The following GRM1 variants were observed in gnomAD, a reference collection of about 807,000 sequenced individuals.
The protein encoded by GRM1 is metabotropic glutamate receptor 1.
In GRM1, 33 loss-of-function variants were observed where a neutral mutation model predicts 90.9. The observed-to-expected ratio is 0.36, with a 90% CI of 0.28 to 0.49. The LOEUF is 0.49. GRM1 is among the 20% of genes least tolerant of loss of function. The pLI, the probability that GRM1 is intolerant of heterozygous loss-of-function variation, is 0.99. For missense variants in GRM1, 1,190 were observed against 1,534.3 expected (o/e 0.78, Z 3.75); for synonymous variants, 700 against 613.2 (o/e 1.14, Z -2.09).
chr6:146,106,627 C>T (rs1297595344), intron 1 of GRM1, among the ~76,000 whole-genome samples: 1 of 152,176 alleles, frequency 6.6e-6, no homozygotes, highest in Non-Finnish European at 1.5e-5. Context: ...TCTCTTAAAA[C>T]AAGAAATTTG....
In GRM1 at chr6:146,423,190, C is replaced by T. The variant is rs187324759; in HGVS notation, c.2661-10682C>T. Among the ~76,000 whole-genome samples the T allele has an allele frequency of 1.4e-4, 21 of 152,304 alleles. No individual in the cohort carries two copies. The East Asian group carries it at 3.9e-3, about 28-fold the overall frequency. On this transcript the variant is annotated intron_variant, in intron 7 of 7. Transcript: ENST00000282753. ...AGCCCCCATATGCTACATTTTCCCT[C>T]CAAGCTTTTACTCTGGCTTGCTGAA...
chr6:146,052,552 C>G (rs1471428543), intron 1 of GRM1, among the ~76,000 whole-genome samples: 1 of 151,932 alleles, frequency 6.6e-6, no homozygotes, highest in Non-Finnish European at 1.5e-5. Flanking sequence ...CTAGTATCAT[C>G]TGGTATCACC....
intron 1 of GRM1, among the ~76,000 whole-genome samples, chr6:146,097,809 A>G (rs1166944658): frequency 6.6e-6 from 1 of 152,222 alleles, no homozygotes; most frequent in Non-Finnish European, 1.5e-5. Context: ...GTTTCATTCA[A>G]TGACAACCTG....
At chr6:146,409,765 C>A (rs1777491885) in intron 7 of GRM1, among the ~76,000 whole-genome samples, 1 of 152,108 alleles carries the variant, frequency 6.6e-6, no homozygotes, top group Non-Finnish European at 1.5e-5. Flanking sequence ...TTTATTTCAA[C>A]AGAGTAAGGG....
At position 146,070,242 on chromosome 6, in the gene GRM1, A is replaced by G. The variant is rs139792104; in HGVS notation, c.700+40025A>G. Among the ~76,000 whole-genome samples the G allele has an allele frequency of 5.3e-5, 8 of 152,296 alleles. No individual in the cohort carries two copies. The East Asian group carries it at 1.4e-3, about 26-fold the overall frequency. ...TCCATTTTTTTAATGTTATTTAAAA[A>G]TATCCAAGAAAGCTGTCATACAGCT... On this transcript the variant is annotated intron_variant, in intron 1 of 7. Coordinates refer to ENST00000282753, the MANE Select transcript of GRM1 (RefSeq NM_001278064.2).
intron 2 of GRM1, among the ~76,000 whole-genome samples, chr6:146,171,096 G>A (rs1188795207): frequency 6.6e-6 from 1 of 151,966 alleles, no homozygotes; most frequent in Non-Finnish European, 1.5e-5. Context: ...GACTTATCCA[G>A]AGCCACTTAC....
At chr6:146,179,449 T>C (rs2179509) in intron 2 of GRM1, among the ~76,000 whole-genome samples, 37,785 of 152,102 alleles carry the variant, frequency 0.25, 8,203 homozygotes, top group African/African-American at 0.59. Flanking sequence ...TAAAGGACAG[T>C]GTGCCTGTTG....
intron 2 of GRM1, among the ~76,000 whole-genome samples, chr6:146,278,344 T>C (rs1782446702): frequency 6.6e-6 from 1 of 152,226 alleles, no homozygotes; most frequent in African/African-American, 2.4e-5. Flanking sequence ...GGATGTGGCA[T>C]AGAGAGTATT....
intron 4 of GRM1, 36 bp from the exon 5 acceptor site, chr6:146,357,490 A>G (rs1266036495): frequency 2.7e-6 from 4 of 1,506,240 alleles, no homozygotes; most frequent in Admixed American, 3.3e-5. Flanking sequence ...CATTATGTCT[A>G]TATTCTATAA....
At chr6:146,137,043 G>A (rs945073051) in intron 1 of GRM1, among the ~76,000 whole-genome samples, 6 of 151,920 alleles carry the variant, frequency 3.9e-5, no homozygotes, top group Non-Finnish European at 8.8e-5. Context: ...AGTAGAGACA[G>A]GGTTTCGCCA....
intron 1 of GRM1, among the ~76,000 whole-genome samples, chr6:146,155,185 AT>A (rs1777478813): frequency 6.6e-6 from 1 of 152,248 alleles, no homozygotes; most frequent in African/African-American, 2.4e-5. Flanking sequence ...ATGTACAGCA[AT>A]GCACCAGTAA....
chr6:146,305,928 C>A (rs184317541), intron 3 of GRM1, among the ~76,000 whole-genome samples: 2 of 152,038 alleles, frequency 1.3e-5, no homozygotes, highest in African/African-American at 4.8e-5. Context: ...TAGAGGACAA[C>A]GAGTTTTTGC....
intron 2 of GRM1, among the ~76,000 whole-genome samples, chr6:146,237,430 T>G (rs1007983435): frequency 6.6e-6 from 1 of 152,140 alleles, no homozygotes; most frequent in Non-Finnish European, 1.5e-5. Context: ...TTGTTTGTTT[T>G]TCAAATATAA....
chr6:146,359,408 T>G (rs984475623), intron 5 of GRM1, among the ~76,000 whole-genome samples: 1 of 152,220 alleles, frequency 6.6e-6, no homozygotes, highest in Non-Finnish European at 1.5e-5. Flanking sequence ...ACCCAAAGGA[T>G]GTCACATGTT....
At chr6:146,142,402 C>T (rs1776913505) in intron 1 of GRM1, among the ~76,000 whole-genome samples, 1 of 152,132 alleles carries the variant, frequency 6.6e-6, no homozygotes, top group Non-Finnish European at 1.5e-5. Flanking sequence ...ACTGTAACTA[C>T]TACTTGGCTA....
At chr6:146,122,839 CTTTTTTTT>C (rs57859188) in intron 1 of GRM1, among the ~76,000 whole-genome samples, 2 of 62,222 alleles carry the variant, frequency 3.2e-5, no homozygotes, top group Non-Finnish European at 5.8e-5. Flanking sequence ...TCTTTTCTTT[CTTTTTTTT>C]TTTTTTTTTT....
At chr6:146,275,529 T>C (rs999237544) in intron 2 of GRM1, among the ~76,000 whole-genome samples, 3 of 151,906 alleles carry the variant, frequency 2.0e-5, no homozygotes, top group Non-Finnish European at 2.9e-5. Context: ...GCTCTCTGTC[T>C]CTCTCTCCCC....
chr6:146,223,996 T>C (rs1780156306), intron 2 of GRM1, among the ~76,000 whole-genome samples: 2 of 152,142 alleles, frequency 1.3e-5, no homozygotes, highest in South Asian at 4.1e-4. Flanking sequence ...TTTTTAAGGG[T>C]GGAAAAAAAC....
chr6:146,324,432 C>T (rs1391713448), intron 3 of GRM1, among the ~76,000 whole-genome samples: 2 of 151,808 alleles, frequency 1.3e-5, no homozygotes. Context: ...TCAGGCTCCA[C>T]TGGGGAAAAA....
Sources: allele counts gnomAD v4.1 joint callset (sites outside exome capture counted in the v4.1 genomes callset), GRCh38; gene constraint gnomAD v4.1.1; transcripts MANE v1.5; gene names NCBI Gene and HGNC (gene_info 2026-07-23, HGNC 2026-07-21).